ARMC2: variants seen among roughly 807,000 people sequenced by gnomAD.
ARMC2 encodes armadillo repeat-containing protein 2.
Under a neutral mutation model 90.3 loss-of-function variants are expected in ARMC2, and 67 were observed. The ratio of observed to expected loss-of-function variants is 0.74; its 90% CI spans 0.61 to 0.91. ARMC2 has a LOEUF of 0.91. ARMC2 is among the 40% of genes least tolerant of loss of function. ARMC2 has a pLI of 0.00. For missense variants in ARMC2, 920 were observed against 1,030.9 expected (o/e 0.89, Z 1.47); for synonymous variants, 393 against 393.0 (o/e 1.00, Z 0.00).
chr6:108,965,068 A>C lies in ARMC2; in HGVS notation c.2374A>C (p.Ile792Leu). Residue 792 changes from isoleucine to leucine, a missense_variant, in exon 17 of 18, where the codon ATC becomes CTC. By Grantham distance (5) the Ile-to-Leu change is conservative. Coordinates refer to ENST00000392644, the MANE Select transcript of ARMC2 (RefSeq NM_032131.6). ...CKTLWNFSEN[I>L]TNASSCFGNE... Reference sequence around the variant, plus strand: ...AACTTTATGGAACTTCAGTGAAAACATCACTAATGCTTCGTCATGTTTTGG... The same window carrying C: ...AACTTTATGGAACTTCAGTGAAAACCTCACTAATGCTTCGTCATGTTTTGG... The C allele has an allele frequency of 6.2e-7, 1 of 1,613,768 alleles. No homozygotes were observed. The highest frequency in any genetic ancestry group is 8.5e-7 in the Non-Finnish European group (1 of 1,179,716).
intron 10 of ARMC2, among the ~76,000 whole-genome samples, chr6:108,913,407 G>A (rs1259320927): frequency 6.6e-6 from 1 of 152,160 alleles, no homozygotes; most frequent in African/African-American, 2.4e-5. Context: ...TTTGTGGTCT[G>A]TCTCCATTTT....
At chr6:108,956,361 C>T (rs1314596019) in intron 13 of ARMC2, among the ~76,000 whole-genome samples, 2 of 152,026 alleles carry the variant, frequency 1.3e-5, no homozygotes, top group Non-Finnish European at 2.9e-5. Context: ...GAGTGAATAA[C>T]TTGCTTTTGA....
chr6:109,008,954 A>G, the ARMC2 span: 29 of 995,604 alleles, frequency 2.9e-5, no homozygotes, highest in African/African-American at 4.9e-4. Context: ...TCACAAGACA[A>G]GACAATCGAG....
chr6:109,031,894 A>C, the ARMC2 span, among the ~76,000 whole-genome samples: 2 of 152,220 alleles, frequency 1.3e-5, no homozygotes, highest in East Asian at 3.8e-4. Context: ...ATATATAATG[A>C]AATATCTTGG....
the ARMC2 span, among the ~76,000 whole-genome samples, chr6:109,051,479 G>C: frequency 6.6e-6 from 1 of 152,222 alleles, no homozygotes; most frequent in South Asian, 2.1e-4. Context: ...ACCCTTTAAG[G>C]AATGTTTAAA....
chr6:108,956,760 G>C (rs2128507888), intron 13 of ARMC2, among the ~76,000 whole-genome samples: 1 of 152,298 alleles, frequency 6.6e-6, no homozygotes, highest in Non-Finnish European at 1.5e-5. Flanking sequence ...GGGAGGCTGA[G>C]GTGGGCAGAT....
chr6:108,909,683 G>A (rs766629781), intron 8 of ARMC2, among the ~76,000 whole-genome samples: 22 of 151,944 alleles, frequency 1.4e-4, no homozygotes, highest in Non-Finnish European at 2.4e-4. Flanking sequence ...TTACAGGCGC[G>A]TGCCACCACA....
At chr6:108,883,786 T>C (rs1562349317) in intron 5 of ARMC2, among the ~76,000 whole-genome samples, 1 of 152,220 alleles carries the variant, frequency 6.6e-6, no homozygotes. Flanking sequence ...GCTTTTTCAC[T>C]ACAATAACAT....
the ARMC2 span, among the ~76,000 whole-genome samples, chr6:109,015,965 A>G: frequency 6.6e-6 from 1 of 152,196 alleles, no homozygotes. Flanking sequence ...GTAACCTATA[A>G]TTTTAAATAC....
chr6:109,008,164 T>G, the ARMC2 span, among the ~76,000 whole-genome samples: 1 of 152,170 alleles, frequency 6.6e-6, no homozygotes, highest in African/African-American at 2.4e-5. Context: ...AAAGCTATCT[T>G]TAGAAATTCT....
intron 3 of ARMC2, among the ~76,000 whole-genome samples, chr6:108,859,340 G>C (rs916973119): frequency 6.6e-6 from 1 of 152,032 alleles, no homozygotes; most frequent in Admixed American, 6.5e-5. Context: ...TCCTTGTGCT[G>C]GCTTTTTCGT....
At chr6:109,021,949 T>C in the ARMC2 span, among the ~76,000 whole-genome samples, 1 of 152,184 alleles carries the variant, frequency 6.6e-6, no homozygotes, top group Non-Finnish European at 1.5e-5. Context: ...ATCTAAAGGA[T>C]TGGTTAAATT....
chr6:109,021,339 A>G, the ARMC2 span, among the ~76,000 whole-genome samples: 5 of 152,212 alleles, frequency 3.3e-5, 1 homozygote, highest in South Asian at 6.2e-4. Context: ...ATGCTGTAAA[A>G]TAAGTGTATA....
At chr6:108,853,809 T>TA (rs1453415213) in intron 1 of ARMC2, among the ~76,000 whole-genome samples, 2 of 152,206 alleles carry the variant, frequency 1.3e-5, no homozygotes, top group African/African-American at 2.4e-5. Context: ...CCTTTAGAAA[T>TA]ACAACATTTC....
the ARMC2 span, chr6:108,988,427 GT>G: frequency 1.2e-6 from 1 of 863,708 alleles, no homozygotes; most frequent in Non-Finnish European, 1.7e-6. Flanking sequence ...GTCCTGGAAT[GT>G]TTTTCTTTGG....
chr6:108,962,582 C>T (rs1424922022), intron 15 of ARMC2, among the ~76,000 whole-genome samples: 1 of 152,152 alleles, frequency 6.6e-6, no homozygotes, highest in African/African-American at 2.4e-5. Context: ...CAGAGGAATG[C>T]CTTGAATATA....
chr6:108,920,650 A>G (rs1774464655), intron 10 of ARMC2, among the ~76,000 whole-genome samples: 1 of 152,114 alleles, frequency 6.6e-6, no homozygotes, highest in Admixed American at 6.6e-5. Context: ...ATAAGAGGCT[A>G]AGGAGGCTGG....
At chr6:108,987,500 T>C in the ARMC2 span, 5 of 1,099,776 alleles carry the variant, frequency 4.5e-6, no homozygotes, top group Non-Finnish European at 6.9e-6. Flanking sequence ...TTGTAGACTA[T>C]ATCTGCTGAT....
intron 3 of ARMC2, among the ~76,000 whole-genome samples, chr6:108,864,997 ATTTT>A (rs36025894): frequency 7.5e-6 from 1 of 132,834 alleles, no homozygotes; most frequent in Non-Finnish European, 1.6e-5. Flanking sequence ...TCTCAAGTGA[ATTTT>A]TTTTTTTTTT....
Sources: gnomAD v4.1 joint callset for allele counts (sites outside exome capture counted in the v4.1 genomes callset) on GRCh38, gnomAD v4.1.1 for gene constraint, MANE v1.5 for transcripts, NCBI Gene and HGNC (gene_info 2026-07-23, HGNC 2026-07-21) for gene names.